The following LRRC7 variants were observed in gnomAD, a reference collection of about 807,000 sequenced individuals.
The protein encoded by LRRC7 is leucine rich repeat containing 7, also known as leucine-rich repeat-containing protein 7.
Under a neutral mutation model 175.7 loss-of-function variants are expected in LRRC7, and 23 were observed. The observed-to-expected ratio is 0.13, with a 90% CI of 0.09 to 0.19. LRRC7 has a LOEUF of 0.19. Ranked by LOEUF, LRRC7 falls within the 10% of genes least tolerant of loss-of-function variation. The probability of loss-of-function intolerance (pLI) is 1.00; values close to 1 mark genes in which losing one functional copy is unlikely to be tolerated. For synonymous variants in LRRC7, 685 were observed against 680.9 expected, an observed-to-expected ratio of 1.01 and a Z score of -0.09; for missense variants, 1,354 against 1,904.7, an observed-to-expected ratio of 0.71 and a Z score of 5.38.
chr1:69,582,028 A>G (rs1646221580), intron 1 of LRRC7, among the ~76,000 whole-genome samples: 2 of 152,142 alleles, frequency 1.3e-5, no homozygotes, highest in South Asian at 4.1e-4. Flanking sequence ...ACCCATTTGC[A>G]ATTTGTCCCA....
intron 7 of LRRC7, among the ~76,000 whole-genome samples, chr1:69,898,857 T>G (rs1195620120): frequency 6.6e-6 from 1 of 152,216 alleles, no homozygotes; most frequent in Admixed American, 6.5e-5. Context: ...TTGAGACCCA[T>G]CAAGAAGATA....
chr1:69,995,607 T>C (rs1447867099), intron 11 of LRRC7, among the ~76,000 whole-genome samples: 1 of 140,366 alleles, frequency 7.1e-6, no homozygotes, highest in Non-Finnish European at 1.5e-5. Flanking sequence ...CCCGTGTCCA[T>C]GTGTTCTCAT....
chr1:70,044,056 A>G lies in LRRC7; in HGVS notation c.4072A>G (p.Lys1358Glu). 1 of 1,613,426 alleles carries G rather than the reference A, an allele frequency of 6.2e-7. No individual in the cohort carries two copies. The highest frequency in any genetic ancestry group is 8.5e-7 in the Non-Finnish European group (1 of 1,179,634). ...AAGCATGACTTTAAACTTGCAGACT[A>G]AGTCTAAATTTGATCATCAAGAACT... ...GRSMTLNLQT[K>E]SKFDHQELPL... is the part of the protein sequence containing the mutation. The change falls in exon 22 of 27, where the codon AAG (lysine) becomes GAG (glutamate). Residue 1358 changes from lysine (K) to glutamate (E), a missense_variant. Physicochemically the swap from Lys to Glu is moderately conservative, Grantham distance 56. This residue lies in a region of LRRC7 where 1,032 missense variants were observed against 1,227.2 expected (regional missense o/e 0.84). Transcript: ENST00000651989.
intron 10 of LRRC7, among the ~76,000 whole-genome samples, chr1:69,993,587 A>G (rs1161602631): frequency 6.6e-6 from 1 of 151,974 alleles, no homozygotes; most frequent in Non-Finnish European, 1.5e-5. Flanking sequence ...GGAGAGTCAC[A>G]TTGGTATGTT....
At chr1:70,101,769 G>A (rs949746729) in intron 25 of LRRC7, among the ~76,000 whole-genome samples, 1 of 152,186 alleles carries the variant, frequency 6.6e-6, no homozygotes, top group Non-Finnish European at 1.5e-5. Context: ...AAATGAGGTG[G>A]AAATAGGAAA....
In LRRC7 at chr1:69,781,791, AAGGAAGGAAGGAAGG is replaced by A. The variant is rs1557720256; in HGVS notation, c.304-10250_304-10236del. ...AAAGAAAGAAAGAAAGAAAGAAAGG[AAGGAAGGAAGGAAGG>A]AAGGAAGGAAGGAAGGAAGGAAGGA... On this transcript the variant is annotated intron_variant, in intron 3 of 26. Coordinates refer to ENST00000651989, the MANE Select transcript of LRRC7 (RefSeq NM_001370785.2). Among the ~76,000 whole-genome samples, 31 of 21,810 alleles carry A rather than the reference AAGGAAGGAAGGAAGG, an allele frequency of 1.4e-3. 1 individual carries two copies. The highest frequency in any genetic ancestry group is 7.9e-3 in the South Asian group (4 of 504). 14.3% of individuals were successfully genotyped at this position (21,810 alleles called of 152,430 possible).
rs542983564 is a variant in LRRC7 at position 70,098,154 on chromosome 1, C to G, written c.4545+8335C>G. 4.1e-3 allele frequency among the ~76,000 whole-genome samples: 620 copies of G among 152,270 alleles called. 5 individuals are homozygous for G. Among genetic ancestry groups the G allele is most frequent in the South Asian group, 0.022 (105 of 4,820 alleles). ...TCCTGACTTTTGAATGATTGCCATT[C>G]TACCTGGTGTGAGATGGTATCTCAT... On this transcript the variant is annotated intron_variant, in intron 25 of 26. Transcript: ENST00000651989.
At chr1:70,071,317 C>A (rs1662369913) in intron 23 of LRRC7, among the ~76,000 whole-genome samples, 1 of 152,172 alleles carries the variant, frequency 6.6e-6, no homozygotes, top group Non-Finnish European at 1.5e-5. Flanking sequence ...AGGTCCCTAG[C>A]TAGTCTGCCT....
At chr1:70,015,027 G>A (rs1223069087) in intron 13 of LRRC7, among the ~76,000 whole-genome samples, 2 of 151,900 alleles carry the variant, frequency 1.3e-5, no homozygotes, top group East Asian at 3.9e-4. Flanking sequence ...TACCCCATAC[G>A]TTGTGAAAAA....
intron 4 of LRRC7, among the ~76,000 whole-genome samples, chr1:69,819,575 C>G (rs200342978): frequency 1.7e-3 from 222 of 133,280 alleles, no homozygotes; most frequent in African/African-American, 4.6e-3. Flanking sequence ...CTCTCTCTCT[C>G]TCTGTGTGTG....
At chr1:70,096,616 C>G (rs954894131) in intron 25 of LRRC7, among the ~76,000 whole-genome samples, 1 of 151,966 alleles carries the variant, frequency 6.6e-6, no homozygotes, top group Non-Finnish European at 1.5e-5. Flanking sequence ...CACACGTTCC[C>G]TTTGTCCTCT....
chr1:69,802,346 T>C (rs979573259), intron 4 of LRRC7, among the ~76,000 whole-genome samples: 1 of 151,434 alleles, frequency 6.6e-6, no homozygotes, highest in Non-Finnish European at 1.5e-5. Flanking sequence ...TTGTATTGCA[T>C]CTATATCTTT....
chr1:70,043,068 T>C lies in LRRC7; in HGVS notation c.3970-886T>C, dbSNP rs900665148. ...TCAATGATTACATTTCCATTGTAGA[T>C]TGAAGGAGGAGATTGTACTGTGCAA... On this transcript the variant is annotated intron_variant, in intron 21 of 26. Transcript: ENST00000651989. Among the ~76,000 whole-genome samples the C allele has an allele frequency of 3.9e-5, 6 of 152,196 alleles. No homozygotes were observed. The East Asian group carries it at 9.7e-4, about 25-fold the overall frequency.
At chr1:69,671,246 C>G (rs1391849162) in intron 1 of LRRC7, among the ~76,000 whole-genome samples, 1 of 152,090 alleles carries the variant, frequency 6.6e-6, no homozygotes, top group Non-Finnish European at 1.5e-5. Context: ...CCCCTCAAGG[C>G]AGCATGTTCC....
chr1:70,018,864 A>G (rs1376464022), intron 15 of LRRC7, 46 bp downstream of exon 15: 56 of 1,425,750 alleles, frequency 3.9e-5, no homozygotes, highest in Non-Finnish European at 5.3e-5. Flanking sequence ...ATGATTATGG[A>G]TAGAAATAAC....
intron 25 of LRRC7, among the ~76,000 whole-genome samples, chr1:70,102,361 G>A (rs547228269): frequency 6.6e-6 from 1 of 152,102 alleles, no homozygotes; most frequent in African/African-American, 2.4e-5. Flanking sequence ...CCCCTTATTT[G>A]TTAGGAATTC....
intron 7 of LRRC7, among the ~76,000 whole-genome samples, chr1:69,883,674 C>T (rs1480342815): frequency 1.0e-5 from 1 of 98,162 alleles, no homozygotes; most frequent in African/African-American, 3.9e-5. Flanking sequence ...GTGTTTTAGA[C>T]ATGAAGTCCT....
intron 4 of LRRC7, among the ~76,000 whole-genome samples, chr1:69,804,068 C>T (rs1401164921): frequency 6.6e-6 from 1 of 151,196 alleles, no homozygotes; most frequent in Non-Finnish European, 1.5e-5. Context: ...CTTTTACTTT[C>T]TTATGGTTTA....
At position 70,038,640 on chromosome 1, in the gene LRRC7, C is replaced by T. The variant is rs1571130480; in HGVS notation, c.2816C>T (p.Pro939Leu). 1 of 1,614,052 alleles carries T rather than the reference C, an allele frequency of 6.2e-7. No homozygotes were observed. Among genetic ancestry groups the T allele is most frequent in the East Asian group, 2.2e-5 (1 of 44,866 alleles). ...GVPWEYHDSN[P>L]NRSLSNVFSQ... ...CCATGGGAGTATCATGATTCCAATC[C>T]CAACAGGAGTCTTAGTAATGTCTTT... Residue 939 changes from proline to leucine, a missense_variant, in exon 21 of 27, where the codon CCC becomes CTC. Pro to Leu is a moderately conservative substitution (Grantham distance 98). This residue lies in a region of LRRC7 where 1,032 missense variants were observed against 1,227.2 expected (regional missense o/e 0.84). Coordinates refer to ENST00000651989, the MANE Select transcript of LRRC7 (RefSeq NM_001370785.2).
Sources: allele counts gnomAD v4.1 joint callset (sites outside exome capture counted in the v4.1 genomes callset), GRCh38; gene constraint gnomAD v4.1.1; regional missense constraint gnomAD v4.1.1; transcripts MANE v1.5; gene names NCBI Gene and HGNC (gene_info 2026-07-23, HGNC 2026-07-21).